The following C7 variants were observed in gnomAD, a reference collection of about 807,000 sequenced individuals.
C7 encodes complement component C7.
C7 carries 83 observed loss-of-function variants against 104.8 expected under a neutral mutation model. That is an observed-to-expected ratio of 0.79 (90% CI 0.66 to 0.95). The LOEUF (loss-of-function observed/expected upper bound fraction) is 0.95. Among genes scored for constraint, C7 ranks in the 40% least tolerant of loss-of-function variants. C7 has a pLI of 0.00. For synonymous variants in C7, 415 were observed against 360.6 expected (o/e 1.15, Z -1.71); for missense variants, 1,070 against 1,011.2 (o/e 1.06, Z -0.79).
intron 3 of C7, among the ~76,000 whole-genome samples, chr5:40,931,723 G>A (rs1435157750): frequency 6.6e-6 from 1 of 152,190 alleles, no homozygotes; most frequent in Non-Finnish European, 1.5e-5. Flanking sequence ...AATACAGAAA[G>A]TTATGAAGAA....
At chr5:40,976,916 G>A in intron 16 of C7, 76 bp downstream of exon 16, 1 of 1,148,970 alleles carries the variant, frequency 8.7e-7, no homozygotes, top group South Asian at 1.5e-5. Flanking sequence ...AATAGTGTCT[G>A]TTGGATGGAA....
chr5:40,943,621 T>C (rs1042156910), intron 6 of C7, among the ~76,000 whole-genome samples: 1 of 151,568 alleles, frequency 6.6e-6, no homozygotes, highest in East Asian at 1.9e-4. Flanking sequence ...AAAGAGATAA[T>C]AAACTAAATA....
At chr5:40,938,384 T>G (rs1281865811) in intron 6 of C7, among the ~76,000 whole-genome samples, 1 of 152,228 alleles carries the variant, frequency 6.6e-6, no homozygotes, top group Non-Finnish European at 1.5e-5. Context: ...TCTGTTACTT[T>G]TTTCACTAAA....
chr5:40,918,037 T>C (rs1280894179), intron 1 of C7, among the ~76,000 whole-genome samples: 1 of 152,184 alleles, frequency 6.6e-6, no homozygotes. Context: ...AGCCTCATAA[T>C]AAGCACAAAG....
intron 6 of C7, among the ~76,000 whole-genome samples, chr5:40,944,780 CA>C (rs1164719099): frequency 6.6e-6 from 1 of 152,154 alleles, no homozygotes; most frequent in African/African-American, 2.4e-5. Context: ...CATTCCAAAA[CA>C]AAGTCCAAAA....
intron 3 of C7, among the ~76,000 whole-genome samples, chr5:40,932,062 C>T (rs1269604419): frequency 1.3e-5 from 2 of 152,100 alleles, no homozygotes; most frequent in East Asian, 3.9e-4. Context: ...CTGGCCAATT[C>T]TACCATTTAG....
chr5:40,975,525 G>T (rs911302130), intron 15 of C7, among the ~76,000 whole-genome samples: 3 of 151,834 alleles, frequency 2.0e-5, no homozygotes, highest in African/African-American at 7.3e-5. Context: ...CACCATGCCC[G>T]GCTAATTTTT....
intron 7 of C7, among the ~76,000 whole-genome samples, chr5:40,945,908 A>ATATG (rs1448180370): frequency 7.4e-6 from 1 of 134,936 alleles, no homozygotes; most frequent in African/African-American, 2.7e-5. Flanking sequence ...ATATATATAT[A>ATATG]TGTATATTTA....
intron 12 of C7, among the ~76,000 whole-genome samples, chr5:40,961,160 T>G (rs1411535956): frequency 3.9e-5 from 6 of 152,236 alleles, no homozygotes; most frequent in Non-Finnish European, 7.3e-5. Context: ...TAATTGACTA[T>G]ACGTAAATCC....
At chr5:40,923,484 G>A (rs987227095) in intron 1 of C7, among the ~76,000 whole-genome samples, 4 of 152,104 alleles carry the variant, frequency 2.6e-5, no homozygotes, top group Admixed American at 6.5e-5. Flanking sequence ...GGTGGCTCCC[G>A]CCTGTAATCC....
At chr5:40,971,988 T>C (rs1218515418) in intron 14 of C7, 7 of 432,864 alleles carry the variant, frequency 1.6e-5, no homozygotes, top group Non-Finnish European at 2.7e-5. Context: ...TAAATAAAAG[T>C]GGTGTTTTAA....
chr5:40,909,602 T>C lies in C7; in HGVS notation c.-9T>C. 1 of 1,567,102 alleles carries C rather than the reference T, an allele frequency of 6.4e-7. No homozygotes were observed. The highest frequency in any genetic ancestry group is 8.7e-7 in the Non-Finnish European group (1 of 1,146,376). Reference sequence around the variant, plus strand: ...CCTCCTCTCTTCTGCCCTGAATGTTTTCCCAAACATGAAGGTAAGACAATA... The same window carrying C: ...CCTCCTCTCTTCTGCCCTGAATGTTCTCCCAAACATGAAGGTAAGACAATA... On this transcript the variant is annotated 5_prime_UTR_variant, in exon 1 of 18. Transcript: ENST00000313164.
intron 6 of C7, among the ~76,000 whole-genome samples, chr5:40,938,223 C>T (rs573544436): frequency 1.3e-5 from 2 of 152,148 alleles, no homozygotes; most frequent in African/African-American, 4.8e-5. Flanking sequence ...CCCTCTCACT[C>T]CTCAGGCAAC....
intron 1 of C7, among the ~76,000 whole-genome samples, chr5:40,910,392 T>C (rs2675981): frequency 0.25 from 38,534 of 151,984 alleles, 5,686 homozygotes; most frequent in African/African-American, 0.41. Flanking sequence ...ATTTCACAGA[T>C]CTGTCAGTGG....
Position 40,972,544 on chromosome 5 carries a change from C to T in C7, c.2024C>T (p.Ser675Phe). The T allele has an allele frequency of 1.2e-6, 2 of 1,613,172 alleles. No individual in the cohort carries two copies. Among genetic ancestry groups the T allele is most frequent in the Non-Finnish European group, 1.7e-6 (2 of 1,179,518 alleles). Residue 675 changes from serine (S) to phenylalanine (F), a missense_variant, in exon 15 of 18, where the codon TCC becomes TTC. Ser to Phe is a radical substitution (Grantham distance 155). Transcript: ENST00000313164. ...LEGPSAFLCG[S>F]SLKWSPEMKN... ...GGTCCTTCAGCATTTCTCTGTGGCTCCAGCCTTAAGTGGAGTCCTGAGATG... is the reference window on the plus strand; with the variant it reads ...GGTCCTTCAGCATTTCTCTGTGGCTTCAGCCTTAAGTGGAGTCCTGAGATG...
chr5:40,946,655 T>A (rs1740056349), intron 7 of C7, among the ~76,000 whole-genome samples: 1 of 152,212 alleles, frequency 6.6e-6, no homozygotes, highest in Non-Finnish European at 1.5e-5. Flanking sequence ...ATTGTCAAGA[T>A]GTGGACCATA....
At chr5:40,968,872 A>T (rs1172334934) in intron 14 of C7, among the ~76,000 whole-genome samples, 1 of 151,486 alleles carries the variant, frequency 6.6e-6, no homozygotes, top group Non-Finnish European at 1.5e-5. Flanking sequence ...TCAGTCTCCC[A>T]AAGTGCTGGG....
In C7 at chr5:40,931,083, T is replaced by C; in HGVS notation, c.82T>C (p.Cys28Arg). The change falls in exon 3 of 18, where the codon TGC becomes CGC. Residue 28 changes from cysteine to arginine, a missense_variant. Physicochemically the swap from Cys to Arg is radical, Grantham distance 180. Transcript: ENST00000313164. ...TGGCAGTGCCTCCTCTCCAGTCAAC[T>C]GCCAGTGGGACTTCTATGCCCCTTG... ...SFSSASSPVN[C>R]QWDFYAPWSE... 1 of 1,613,488 alleles carries C rather than the reference T, an allele frequency of 6.2e-7. No homozygotes were observed. Among genetic ancestry groups the C allele is most frequent in the Non-Finnish European group, 8.5e-7 (1 of 1,179,444 alleles).
At chr5:40,920,887 A>G (rs1739424431) in intron 1 of C7, among the ~76,000 whole-genome samples, 2 of 152,148 alleles carry the variant, frequency 1.3e-5, no homozygotes, top group Non-Finnish European at 2.9e-5. Context: ...CATCTCTACT[A>G]AAAATACAAA....
Sources: gnomAD v4.1 joint callset for allele counts (sites outside exome capture counted in the v4.1 genomes callset) on GRCh38, gnomAD v4.1.1 for gene constraint, MANE v1.5 for transcripts, NCBI Gene and HGNC (gene_info 2026-07-23, HGNC 2026-07-21) for gene names.